MR1: variants seen among roughly 807,000 people sequenced by gnomAD.
MR1 encodes the protein major histocompatibility complex, class I-related, also known as major histocompatibility complex class I-related protein 1.
A neutral mutation model predicts 37.8 loss-of-function variants in MR1; 44 were observed. The ratio of observed to expected loss-of-function variants is 1.16; its 90% CI spans 0.91 to 1.50. The LOEUF (loss-of-function observed/expected upper bound fraction) is 1.50, where lower values mean the gene tolerates loss of function less well. Ranked by LOEUF, MR1 falls within the 40% of genes most tolerant of loss-of-function variation. MR1 has a pLI of 0.00. For missense variants in MR1, 386 were observed against 419.1 expected (o/e 0.92, Z 0.69); for synonymous variants, 153 against 155.8 (o/e 0.98, Z 0.13).
rs1172145086 is a variant in MR1 at position 181,046,557 on chromosome 1, A to G, written c.68-2495A>G. ...TAGCTGAGGGATGGTAAACGCACCA[A>G]TCAGTGCCCTGTCAAAACAGACCAC... On this transcript the variant is annotated intron_variant, in intron 1 of 5. Coordinates refer to ENST00000367580, the MANE Select transcript of MR1 (RefSeq NM_001385161.1). Among the ~76,000 whole-genome samples the G allele has an allele frequency of 7.2e-5, 11 of 152,260 alleles. No homozygotes were observed. The East Asian group carries it at 2.1e-3, about 29-fold the overall frequency.
Position 181,053,457 on chromosome 1 carries a change from C to G in MR1, c.881-116C>G, listed in dbSNP as rs1385892502. On this transcript the variant is annotated intron_variant, in intron 4 of 5. Coordinates refer to ENST00000367580, the MANE Select transcript of MR1 (RefSeq NM_001385161.1). ...AGTGGTCAGATTGATGAGTGAGAAG[C>G]AACAGTAAGGAAAATGGTGTTGGGT... 1.3e-5 allele frequency: 9 copies of G among 690,994 alleles called. No homozygotes were observed. In the East Asian group the frequency reaches 2.3e-4, roughly 18 times the overall value. 42.8% of individuals were successfully genotyped at this position (690,994 alleles called of 1,614,324 possible). A position where few individuals can be genotyped will look rare whatever the true frequency, so the allele number is the denominator to read the frequency against.
At chr1:181,053,813 G>A in intron 5 of MR1, 136 bp downstream of exon 5, 2 of 646,872 alleles carry the variant, frequency 3.1e-6, no homozygotes, top group Non-Finnish European at 5.5e-6. Context: ...AAGGACCTGG[G>A]ACAACCCTCC....
In MR1 at chr1:181,042,853, C is replaced by T. The variant is rs1324121692; in HGVS notation, c.68-6199C>T. ...GATTCATATTCATTTCAGCATATTT[C>T]ATTATTCCAAACCACAGAAATAAAG... is the stretch of plus-strand genomic sequence containing the variant. On this transcript the variant is annotated intron_variant, in intron 1 of 5. Transcript: ENST00000367580. 2.0e-5 allele frequency among the ~76,000 whole-genome samples: 3 copies of T among 152,064 alleles called. No individual in the cohort carries two copies. In the East Asian group the frequency reaches 5.8e-4, roughly 30 times the overall value.
chr1:181,052,436 A>T lies in MR1; in HGVS notation c.806A>T (p.Asp269Val). The change falls in exon 4 of 6, where the codon GAT becomes GTT. Residue 269 changes from aspartate (D) to valine (V), a missense_variant. By Grantham distance (152) the Asp-to-Val change is radical. Coordinates refer to ENST00000367580, the MANE Select transcript of MR1 (RefSeq NM_001385161.1). ...TYQAWASIEL[D>V]PQSSNLYSCH... ...CAGGCGTGGGCATCAATTGAGCTTG[A>T]TCCTCAGAGCAGCAACCTTTACTCC... 1.9e-6 allele frequency: 3 copies of T among 1,614,202 alleles called. No homozygotes were observed. The highest frequency in any genetic ancestry group is 2.5e-6 in the Non-Finnish European group (3 of 1,180,038).
At chr1:181,047,946 G>C (rs759259708) in intron 1 of MR1, among the ~76,000 whole-genome samples, 33 of 149,166 alleles carry the variant, frequency 2.2e-4, no homozygotes, top group Non-Finnish European at 3.7e-4. Flanking sequence ...GGCCAGGCGC[G>C]GTGGCTCACG....
At chr1:181,052,790 G>A (rs1658395392) in intron 4 of MR1, among the ~76,000 whole-genome samples, 1 of 152,166 alleles carries the variant, frequency 6.6e-6, no homozygotes, top group African/African-American at 2.4e-5. Flanking sequence ...AACACGAATG[G>A]GTGCAGTGGC....
At chr1:181,049,372 GGGCT>G (rs904813820) in intron 2 of MR1, 60 bp downstream of exon 2, 1 of 1,544,338 alleles carries the variant, frequency 6.5e-7, no homozygotes, top group Non-Finnish European at 8.7e-7. Context: ...AGAGACCCCT[GGGCT>G]GGCCTCCAAT....
upstream of MR1, chr1:181,033,489 T>C (rs1421150144): frequency 6.6e-6 from 1 of 152,518 alleles, no homozygotes; most frequent in Non-Finnish European, 1.5e-5. Flanking sequence ...CTTATTGTGC[T>C]GGGTGCTAGA....
intron 1 of MR1, among the ~76,000 whole-genome samples, chr1:181,034,531 A>G (rs758215904): frequency 6.6e-6 from 1 of 152,180 alleles, no homozygotes; most frequent in Non-Finnish European, 1.5e-5. Context: ...AGATAAAACC[A>G]TGGCTCTGGG....
chr1:181,047,425 C>T (rs770167793), intron 1 of MR1, among the ~76,000 whole-genome samples: 2 of 151,894 alleles, frequency 1.3e-5, no homozygotes, highest in Non-Finnish European at 2.9e-5. Context: ...ATGGCAAAAC[C>T]CTGTTTTTAC....
At chr1:181,053,238 T>C (rs1362195448) in intron 4 of MR1, among the ~76,000 whole-genome samples, 1 of 151,692 alleles carries the variant, frequency 6.6e-6, no homozygotes, top group Non-Finnish European at 1.5e-5. Context: ...AACAATTAGC[T>C]GGGCATGATG....
Position 181,049,002 on chromosome 1 carries a change from T to C in MR1, c.68-50T>C, listed in dbSNP as rs10910853. 4.3e-3 allele frequency: 6,859 copies of C among 1,582,678 alleles called. 63 individuals are homozygous for C. Among genetic ancestry groups the C allele is most frequent in the African/African-American group, 0.035 (2,611 of 74,382 alleles). On this transcript the variant is annotated intron_variant, in intron 1 of 5. Coordinates refer to ENST00000367580, the MANE Select transcript of MR1 (RefSeq NM_001385161.1). Reference sequence around the variant, plus strand: ...GGGCTAAATGAATGCAGTTGAAGGATCTGGATCATCTGGGACCCTACATGT... The same window carrying C: ...GGGCTAAATGAATGCAGTTGAAGGACCTGGATCATCTGGGACCCTACATGT...
In MR1 at chr1:181,059,175, T is replaced by C. The variant is rs1658785267; in HGVS notation, c.*3910T>C. ...GCATTGCCCTTTTCATCTTTTTTTT[T>C]TCCCCAATAGCTTCAGGACATTCAG... is the stretch of plus-strand genomic sequence containing the variant. On this transcript the variant is annotated 3_prime_UTR_variant, in exon 6 of 6. Transcript: ENST00000367580. The C allele has an allele frequency of 6.6e-6, 1 of 152,224 alleles. No individual in the cohort carries two copies. Among genetic ancestry groups the C allele is most frequent in the African/African-American group, 2.4e-5 (1 of 41,452 alleles). 9.4% of individuals were successfully genotyped at this position (152,224 alleles called of 1,614,324 possible). A position where few individuals can be genotyped will look rare whatever the true frequency, so the allele number is the denominator to read the frequency against.
intron 1 of MR1, among the ~76,000 whole-genome samples, chr1:181,038,020 T>G (rs1657364021): frequency 6.6e-6 from 1 of 152,222 alleles, no homozygotes; most frequent in East Asian, 1.9e-4. Flanking sequence ...AATCTTTATC[T>G]CCACCTGACC....
rs574811084 is a variant in MR1 at position 181,055,101 on chromosome 1, T to A, written c.986-124T>A. 54 of 844,676 alleles carry A rather than the reference T, an allele frequency of 6.4e-5. No individual in the cohort carries two copies. In the African/African-American group the frequency reaches 8.3e-4, roughly 13 times the overall value. 52.3% of individuals were successfully genotyped at this position (844,676 alleles called of 1,614,324 possible). Reference sequence around the variant, plus strand: ...TAAAGTTTGTCAAGTACTAAGAGAATCTTGACAAAGCAAGCTAAAACTGTC... The same window carrying A: ...TAAAGTTTGTCAAGTACTAAGAGAAACTTGACAAAGCAAGCTAAAACTGTC... On this transcript the variant is annotated intron_variant, in intron 5 of 5. Coordinates refer to ENST00000367580, the MANE Select transcript of MR1 (RefSeq NM_001385161.1).
chr1:181,035,460 T>C (rs927669448), intron 1 of MR1, among the ~76,000 whole-genome samples: 4 of 152,050 alleles, frequency 2.6e-5, no homozygotes, highest in African/African-American at 2.4e-5. Flanking sequence ...GAAAATTTAA[T>C]CCAGAAAGTG....
In MR1 at chr1:181,055,302, G is replaced by A. The variant is rs1324233847; in HGVS notation, c.*37G>A. ...TCTTTTCCAGTTCTCCTTCCTCTAGGAGCCATGTTATCCTCTGTCCCCCAT... is the reference window on the plus strand; with the variant it reads ...TCTTTTCCAGTTCTCCTTCCTCTAGAAGCCATGTTATCCTCTGTCCCCCAT... On this transcript the variant is annotated 3_prime_UTR_variant, in exon 6 of 6. Coordinates refer to ENST00000367580, the MANE Select transcript of MR1 (RefSeq NM_001385161.1). 1 of 1,585,264 alleles carries A rather than the reference G, an allele frequency of 6.3e-7. No individual in the cohort carries two copies. Among genetic ancestry groups the A allele is most frequent in the Non-Finnish European group, 8.7e-7 (1 of 1,154,446 alleles).
At chr1:181,044,634 A>G (rs1291832534) in intron 1 of MR1, among the ~76,000 whole-genome samples, 1 of 152,086 alleles carries the variant, frequency 6.6e-6, no homozygotes, top group African/African-American at 2.4e-5. Flanking sequence ...GCACCCAGGA[A>G]CCTGGAGTTC....
chr1:181,038,404 C>T (rs536312510), intron 1 of MR1, among the ~76,000 whole-genome samples: 34 of 152,180 alleles, frequency 2.2e-4, no homozygotes, highest in Non-Finnish European at 2.8e-4. Context: ...CTCATTCCCA[C>T]GATGCTCGAA....
Sources: gnomAD v4.1 joint callset for allele counts (sites outside exome capture counted in the v4.1 genomes callset) on GRCh38, gnomAD v4.1.1 for gene constraint, MANE v1.5 for transcripts, NCBI Gene and HGNC (gene_info 2026-07-23, HGNC 2026-07-21) for gene names.